Variants in CMTM4 observed in about 807,000 individuals in gnomAD.
The protein encoded by CMTM4 is CKLF-like MARVEL transmembrane domain-containing protein 4.
CMTM4 carries 8 observed loss-of-function variants against 19.0 expected under a neutral mutation model. The ratio of observed to expected loss-of-function variants is 0.42; its 90% CI spans 0.25 to 0.76. The LOEUF is 0.76. Among genes scored for constraint, CMTM4 ranks in the 30% least tolerant of loss-of-function variants. The pLI is 0.27. For synonymous variants in CMTM4, 106 were observed against 121.1 expected, an observed-to-expected ratio of 0.88 and a Z score of 0.82; for missense variants, 228 against 290.2, an observed-to-expected ratio of 0.79 and a Z score of 1.56.
At chr16:66,659,608 T>C (rs1017016924) in intron 1 of CMTM4, among the ~76,000 whole-genome samples, 4 of 152,152 alleles carry the variant, frequency 2.6e-5, no homozygotes, top group Non-Finnish European at 5.9e-5. Flanking sequence ...TGGGGAAAAG[T>C]GAACATAGGA....
At chr16:66,659,698 G>A (rs547761041) in intron 1 of CMTM4, among the ~76,000 whole-genome samples, 7 of 152,236 alleles carry the variant, frequency 4.6e-5, no homozygotes, top group Middle Eastern at 3.4e-3. Context: ...AATAAAGTTC[G>A]TAACTGATAG....
chr16:66,663,124 T>C lies in CMTM4; in HGVS notation c.187-26543A>G, dbSNP rs557508317. On this transcript the variant is annotated intron_variant, in intron 1 of 3. Transcript: ENST00000394106. ...TCTCACTTGAACCCAGCCAGGTTGATTGCTTTCGAAAACAAAACAAAAATC... is the reference window on the plus strand; with the variant it reads ...TCTCACTTGAACCCAGCCAGGTTGACTGCTTTCGAAAACAAAACAAAAATC... 2.2e-4 allele frequency among the ~76,000 whole-genome samples: 33 copies of C among 152,324 alleles called. No homozygotes were observed. The South Asian group carries it at 6.4e-3, about 30-fold the overall frequency.
At chr16:66,660,591 T>C (rs890844800) in intron 1 of CMTM4, among the ~76,000 whole-genome samples, 13 of 152,224 alleles carry the variant, frequency 8.5e-5, no homozygotes, top group Non-Finnish European at 1.8e-4. Flanking sequence ...ACACACAATG[T>C]GACTAGTGTT....
chr16:66,671,982 C>G (rs561498442), intron 1 of CMTM4, among the ~76,000 whole-genome samples: 4 of 151,936 alleles, frequency 2.6e-5, no homozygotes, highest in Non-Finnish European at 5.9e-5. Context: ...GAGCCATGAT[C>G]ATGACTGCAC....
downstream of CMTM4, among the ~76,000 whole-genome samples, chr16:66,610,418 C>T (rs905422899): frequency 5.9e-5 from 9 of 152,134 alleles, no homozygotes; most frequent in African/African-American, 1.9e-4. The surrounding 1 kb of genome is among the most constrained non-coding windows in gnomAD (Gnocchi z 4.6). Context: ...ACCCAGAAAC[C>T]GTGGCAAGGG....
downstream of CMTM4, chr16:66,613,286 C>T (rs1388545774): frequency 1.3e-5 from 8 of 625,960 alleles, no homozygotes; most frequent in African/African-American, 1.5e-4. Context: ...GATGACCATT[C>T]TGGGTCTAAG....
intron 2 of CMTM4, among the ~76,000 whole-genome samples, chr16:66,630,647 G>T (rs369455778): frequency 3.3e-5 from 5 of 151,378 alleles, no homozygotes; most frequent in South Asian, 2.1e-4. Flanking sequence ...GTGCTCAATG[G>T]TGCCCAGGCT....
chr16:66,626,011 C>T lies in CMTM4; in HGVS notation c.364-2509G>A, dbSNP rs150848377. Among the ~76,000 whole-genome samples the T allele has an allele frequency of 3.8e-3, 578 of 152,308 alleles. 4 individuals carry two copies. The highest frequency in any genetic ancestry group is 0.014 in the African/African-American group (562 of 41,564). ...CACCACACTGCCCTGAGATCAATGA[C>T]TAGGTCACAGAGAAAATGGGGAAAG... On this transcript the variant is annotated intron_variant, in intron 2 of 3. Transcript: ENST00000394106.
chr16:66,638,858 T>TC (rs1350855373), intron 1 of CMTM4, among the ~76,000 whole-genome samples: 4 of 149,684 alleles, frequency 2.7e-5, no homozygotes, highest in African/African-American at 7.4e-5. Flanking sequence ...AGACTCCATC[T>TC]CAAAAAAAAC....
At chr16:66,693,874 T>C (rs1596970926) in intron 1 of CMTM4, among the ~76,000 whole-genome samples, 1 of 152,108 alleles carries the variant, frequency 6.6e-6, no homozygotes, top group East Asian at 1.9e-4. Context: ...TACAAAAAAT[T>C]AGCTGGGCAT....
intron 1 of CMTM4, among the ~76,000 whole-genome samples, chr16:66,685,273 G>A (rs967024230): frequency 6.6e-6 from 1 of 152,086 alleles, no homozygotes; most frequent in African/African-American, 2.4e-5. Flanking sequence ...GGAATCCCAT[G>A]TCATCCTGCA....
chr16:66,646,770 G>A (rs568337852), intron 1 of CMTM4, among the ~76,000 whole-genome samples: 18 of 150,592 alleles, frequency 1.2e-4, no homozygotes, highest in South Asian at 8.4e-4. Flanking sequence ...GCAATGGTGC[G>A]ATCTTGGCTC....
Position 66,636,417 on chromosome 16 carries a change from G to C in CMTM4, c.351C>G (p.Asn117Lys). Residue 117 changes from asparagine (N) to lysine (K), a missense_variant, in exon 2 of 4, where the codon AAC becomes AAG. Asn to Lys is a moderately conservative substitution (Grantham distance 94). Around this residue, in one of 3 missense-constraint regions of CMTM4, gnomAD observed 200 missense variants for 226.6 expected, o/e 0.88. Transcript: ENST00000394106. ...LNLHMRIPQINWNLTDLVNTG... is the reference protein window; with the variant it reads ...LNLHMRIPQIKWNLTDLVNTG... ...CGCTTGTACTCACTGTCAGATTCCAGTTGATCTGGGGGATCCTCATGTGCA... is the reference window on the plus strand; with the variant it reads ...CGCTTGTACTCACTGTCAGATTCCACTTGATCTGGGGGATCCTCATGTGCA... 1 of 1,613,970 alleles carries C rather than the reference G, an allele frequency of 6.2e-7. No homozygotes were observed. Among genetic ancestry groups the C allele is most frequent in the Non-Finnish European group, 8.5e-7 (1 of 1,179,882 alleles).
At chr16:66,690,871 C>T (rs577836300) in intron 1 of CMTM4, among the ~76,000 whole-genome samples, 1 of 152,192 alleles carries the variant, frequency 6.6e-6, no homozygotes, top group Admixed American at 6.5e-5. Context: ...CTTTGGGAGA[C>T]CAAAACAGCA....
intron 1 of CMTM4, among the ~76,000 whole-genome samples, chr16:66,686,043 A>T (rs894154747): frequency 4.6e-5 from 7 of 151,970 alleles, no homozygotes; most frequent in Middle Eastern, 3.4e-3. Flanking sequence ...TCACGAGGTC[A>T]AGAGATCAAG....
At position 66,621,230 on chromosome 16, in the gene CMTM4, A is replaced by G; in HGVS notation, c.*828T>C. The G allele has an allele frequency of 1.0e-6, 1 of 985,614 alleles. No individual in the cohort carries two copies. Among genetic ancestry groups the G allele is most frequent in the Non-Finnish European group, 1.2e-6 (1 of 829,944 alleles). The allele number at this position is 985,614 out of a possible 1,614,324, so 61.1% of individuals were successfully genotyped here. On this transcript the variant is annotated 3_prime_UTR_variant, in exon 4 of 4. Transcript: ENST00000394106. Reference sequence around the variant, plus strand: ...CCCACCTGCGGTTCATGAAGCCAGCAAATGGGCAAGTGCTTTGGCTGGTGG... The same window carrying G: ...CCCACCTGCGGTTCATGAAGCCAGCGAATGGGCAAGTGCTTTGGCTGGTGG...
intron 2 of CMTM4, among the ~76,000 whole-genome samples, chr16:66,626,795 G>A (rs2015749008): frequency 6.6e-6 from 1 of 151,276 alleles, no homozygotes; most frequent in Non-Finnish European, 1.5e-5. Context: ...GAAAAAAAAG[G>A]AAAAAAAAGA....
At chr16:66,679,875 C>T (rs2016876074) in intron 1 of CMTM4, among the ~76,000 whole-genome samples, 1 of 150,952 alleles carries the variant, frequency 6.6e-6, no homozygotes, top group Non-Finnish European at 1.5e-5. Flanking sequence ...TGGAGCAATG[C>T]TCACAATCCG....
At chr16:66,600,277 G>C in the CMTM4 span, among the ~76,000 whole-genome samples, 47 of 151,860 alleles carry the variant, frequency 3.1e-4, no homozygotes, top group African/African-American at 1.1e-3. Context: ...TGAGTAGCTA[G>C]AACTACAGGG....
Sources: gnomAD v4.1 joint callset for allele counts (sites outside exome capture counted in the v4.1 genomes callset) on GRCh38, gnomAD v4.1.1 for gene constraint, gnomAD v4.1.1 regional missense constraint, Gnocchi (gnomAD v3.1) non-coding constraint, MANE v1.5 for transcripts, NCBI Gene and HGNC (gene_info 2026-07-23, HGNC 2026-07-21) for gene names.